PRKCZ: variants seen among roughly 807,000 people sequenced by gnomAD.
PRKCZ encodes protein kinase C zeta type.
PRKCZ carries 33 observed loss-of-function variants against 79.5 expected under a neutral mutation model. That is an observed-to-expected ratio of 0.41 (90% CI 0.31 to 0.55). The LOEUF (loss-of-function observed/expected upper bound fraction) is 0.55, where lower values mean the gene tolerates loss of function less well. Ranked by LOEUF, PRKCZ falls within the 20% of genes least tolerant of loss-of-function variation. The pLI is 0.19. For missense variants in PRKCZ, 578 were observed against 813.5 expected (o/e 0.71, Z 3.52); for synonymous variants, 342 against 320.9 (o/e 1.07, Z -0.70).
chr1:2,141,046 A>G (rs1162520810), intron 5 of PRKCZ: 2 of 152,242 alleles, frequency 1.3e-5, no homozygotes, highest in South Asian at 2.1e-4. Context: ...CCATTAATCT[A>G]TGAATTCCTC....
At chr1:2,055,294 TGGGAGGG>T in intron 1 of PRKCZ, 140 bp from the exon 2 acceptor site, 3 of 858,400 alleles carry the variant, frequency 3.5e-6, no homozygotes, top group South Asian at 1.9e-5. Flanking sequence ...ATTTTGTGTG[TGGGAGGG>T]GGGAGGGGGT....
Position 2,185,043 on chromosome 1 carries a change from TTGAC to T in PRKCZ, c.*35_*38del. On this transcript the variant is annotated 3_prime_UTR_variant, in exon 18 of 18. Transcript: ENST00000378567. ...GCGTCTCTGTCGTGGACACGCGTGA[TTGAC>T]CCTTTAACTGTATCCTTAACCACCG... The T allele has an allele frequency of 6.4e-7, 1 of 1,565,562 alleles. No individual in the cohort carries two copies. Among genetic ancestry groups the T allele is most frequent in the Non-Finnish European group, 8.7e-7 (1 of 1,144,780 alleles).
At chr1:2,085,937 C>T (rs1664446141) in intron 4 of PRKCZ, among the ~76,000 whole-genome samples, 1 of 152,202 alleles carries the variant, frequency 6.6e-6, no homozygotes, top group African/African-American at 2.4e-5. Flanking sequence ...CTCCCTTCTC[C>T]TGTCTGGGTT....
At chr1:2,056,918 C>T (rs1351599287) in intron 3 of PRKCZ, among the ~76,000 whole-genome samples, 14 of 151,912 alleles carry the variant, frequency 9.2e-5, no homozygotes, top group Admixed American at 2.0e-4. Context: ...TTTGTAGAGA[C>T]GGGGTTTCAC....
At chr1:2,153,266 C>A (rs529349585) in intron 9 of PRKCZ, among the ~76,000 whole-genome samples, 1 of 152,362 alleles carries the variant, frequency 6.6e-6, no homozygotes, top group East Asian at 1.9e-4. Flanking sequence ...TGGTCTTTTG[C>A]TTTCATTCCT....
At chr1:2,073,025 A>G (rs1302193495) in intron 4 of PRKCZ, among the ~76,000 whole-genome samples, 2 of 152,128 alleles carry the variant, frequency 1.3e-5, no homozygotes, top group Non-Finnish European at 2.9e-5. Flanking sequence ...AGGGTTTGTC[A>G]GGGTACCAGG....
At chr1:2,114,651 G>A (rs1263248478) in intron 4 of PRKCZ, among the ~76,000 whole-genome samples, 1 of 152,166 alleles carries the variant, frequency 6.6e-6, no homozygotes, top group Non-Finnish European at 1.5e-5. Flanking sequence ...GTGGACACCT[G>A]TAGTCCCAGC....
chr1:2,110,376 A>G (rs968087708), intron 4 of PRKCZ, among the ~76,000 whole-genome samples: 1 of 152,210 alleles, frequency 6.6e-6, no homozygotes, highest in Admixed American at 6.5e-5. Flanking sequence ...CAGCTCCGGC[A>G]CTGGCTTCCT....
chr1:2,070,212 C>G (rs892642679), intron 4 of PRKCZ, among the ~76,000 whole-genome samples: 1 of 152,038 alleles, frequency 6.6e-6, no homozygotes, highest in East Asian at 1.9e-4. Context: ...ATGGCATACC[C>G]GGGCAGCGGG....
In PRKCZ at chr1:2,127,205, T is replaced by C. The variant is rs1674089691; in HGVS notation, c.335-8057T>C. Among the ~76,000 whole-genome samples the C allele has an allele frequency of 6.6e-6, 1 of 152,254 alleles. No individual in the cohort carries two copies. Among genetic ancestry groups the C allele is most frequent in the Non-Finnish European group, 1.5e-5 (1 of 68,036 alleles). On this transcript the variant is annotated intron_variant, in intron 4 of 17. Transcript: ENST00000378567. This position sits in a 1 kb window ranked among gnomAD's most constrained non-coding sequence, Gnocchi z 5.1. ...GGCAACCATCTGCTTCCCGCCACAGTGGTGCCCAAAACCTTTTCCAAGTCG... is the reference window on the plus strand; with the variant it reads ...GGCAACCATCTGCTTCCCGCCACAGCGGTGCCCAAAACCTTTTCCAAGTCG...
rs746216713 is a variant in PRKCZ at position 2,156,921 on chromosome 1, C to CGT, written c.974+844_974+845dup. Among the ~76,000 whole-genome samples the CGT allele has an allele frequency of 7.9e-4, 119 of 151,588 alleles. 4 individuals carry two copies. Among genetic ancestry groups the CGT allele is most frequent in the East Asian group, 1.9e-3 (10 of 5,158 alleles). ...TGAGAAACAGAACCAGTTGTGTGCA[C>CGT]GTGTGTGTGTGTGTGTAAAGAGATT... On this transcript the variant is annotated intron_variant, in intron 10 of 17. Transcript: ENST00000378567.
At chr1:2,153,556 G>A (rs867348528) in intron 9 of PRKCZ, among the ~76,000 whole-genome samples, 1 of 152,222 alleles carries the variant, frequency 6.6e-6, no homozygotes, top group Non-Finnish European at 1.5e-5. Flanking sequence ...AAAAGTGGGT[G>A]GCAGCGTCCA....
At chr1:2,073,009 G>A (rs949638087) in intron 4 of PRKCZ, among the ~76,000 whole-genome samples, 2 of 152,158 alleles carry the variant, frequency 1.3e-5, no homozygotes, top group African/African-American at 2.4e-5. Flanking sequence ...GTGATGACCA[G>A]GTCCCAGGGT....
At position 2,050,589 on chromosome 1, in the gene PRKCZ, G is replaced by A; in HGVS notation, c.-42G>A. 7.6e-6 allele frequency: 9 copies of A among 1,186,314 alleles called. No homozygotes were observed. Among genetic ancestry groups the A allele is most frequent in the Non-Finnish European group, 9.5e-6 (9 of 950,212 alleles). 73.5% of individuals were successfully genotyped at this position (1,186,314 alleles called of 1,614,324 possible). ...GCCCCCGCCCCGCGCCATGGCCGGAGCTCCCGGGGCGCAGCGCTGACGGCG... is the reference window on the plus strand; with the variant it reads ...GCCCCCGCCCCGCGCCATGGCCGGAACTCCCGGGGCGCAGCGCTGACGGCG... On this transcript the variant is annotated 5_prime_UTR_variant, in exon 1 of 18. Coordinates refer to ENST00000378567, the MANE Select transcript of PRKCZ (RefSeq NM_002744.6).
At chr1:2,087,606 A>G (rs1664749034) in intron 4 of PRKCZ, among the ~76,000 whole-genome samples, 1 of 152,202 alleles carries the variant, frequency 6.6e-6, no homozygotes, top group Non-Finnish European at 1.5e-5. Context: ...GTTGTATCCC[A>G]TCACCTGGAT....
chr1:2,117,749 G>C (rs1671026469), intron 4 of PRKCZ, among the ~76,000 whole-genome samples: 1 of 152,134 alleles, frequency 6.6e-6, no homozygotes, highest in South Asian at 2.1e-4. Flanking sequence ...TTGTTAATAT[G>C]AATGGTGCTG....
intron 4 of PRKCZ, among the ~76,000 whole-genome samples, chr1:2,096,703 C>T (rs377461836): frequency 2.0e-5 from 3 of 152,094 alleles, no homozygotes; most frequent in South Asian, 4.1e-4. Context: ...TGGAGCTGAG[C>T]GGTCCGAATC....
intron 3 of PRKCZ, among the ~76,000 whole-genome samples, chr1:2,058,860 A>G (rs1660422026): frequency 6.6e-6 from 1 of 152,182 alleles, no homozygotes; most frequent in African/African-American, 2.4e-5. Context: ...TGTGCCACTG[A>G]GCTCCAGCCT....
At chr1:2,162,894 G>A (rs1040871610) in intron 10 of PRKCZ, among the ~76,000 whole-genome samples, 1 of 151,528 alleles carries the variant, frequency 6.6e-6, no homozygotes, top group African/African-American at 2.4e-5. Context: ...TCTCTTCCTT[G>A]TAGTAACTTT....
Sources: allele counts gnomAD v4.1 joint callset (sites outside exome capture counted in the v4.1 genomes callset), GRCh38; gene constraint gnomAD v4.1.1; non-coding constraint Gnocchi (gnomAD v3.1); transcripts MANE v1.5; gene names NCBI Gene and HGNC (gene_info 2026-07-23, HGNC 2026-07-21).